Variants in RBFOX1 observed in about 807,000 individuals in gnomAD.
RBFOX1 encodes the protein RNA binding fox-1 homolog 1, also known as RNA binding protein fox-1 homolog 1.
A neutral mutation model predicts 57.7 loss-of-function variants in RBFOX1; 8 were observed. The ratio of observed to expected loss-of-function variants is 0.14; its 90% CI spans 0.08 to 0.25. The LOEUF is 0.25. Ranked by LOEUF, RBFOX1 falls within the 10% of genes least tolerant of loss-of-function variation. RBFOX1 has a pLI of 1.00. For missense variants in RBFOX1, 611 were observed against 548.5 expected (o/e 1.11, Z -1.14); for synonymous variants, 326 against 222.4 (o/e 1.47, Z -4.15).
In RBFOX1 at chr16:7,144,040, T is replaced by G. The variant is rs1224396511; in HGVS notation, c.27+91942T>G. 2.0e-5 allele frequency among the ~76,000 whole-genome samples: 3 copies of G among 152,196 alleles called. No homozygotes were observed. The East Asian group carries it at 5.8e-4, about 29-fold the overall frequency. On this transcript the variant is annotated intron_variant, in intron 4 of 15. Coordinates refer to ENST00000550418, the MANE Select transcript of RBFOX1 (RefSeq NM_018723.4). The stretch of plus-strand genomic sequence containing the variant: ...GTTCCTGTGTAGTTTTCAAGGTCCG[T>G]AAAGGCTGAGTTTCGGGTTGATGTG...
At chr16:7,121,131 T>C (rs2067084975) in intron 4 of RBFOX1, among the ~76,000 whole-genome samples, 1 of 151,960 alleles carries the variant, frequency 6.6e-6, no homozygotes, top group South Asian at 2.1e-4. Context: ...GTAGAGGATG[T>C]CAACAAACAA....
chr16:7,482,374 G>A lies in RBFOX1; in HGVS notation c.28-35773G>A, dbSNP rs778892353. Among the ~76,000 whole-genome samples, 21 of 152,106 alleles carry A rather than the reference G, an allele frequency of 1.4e-4. 1 individual carries two copies. Among genetic ancestry groups the A allele is most frequent in the Admixed American group, 5.9e-4 (9 of 15,278 alleles). On this transcript the variant is annotated intron_variant, in intron 4 of 15. Transcript: ENST00000550418. ...AGGCTCAAAGAGGCTTGTTCAGTCC[G>A]CACAGCTGACAGTGATTGCTGCGTC...
At chr16:5,662,010 T>A (rs551621821) in intron 3 of RBFOX1, among the ~76,000 whole-genome samples, 2 of 152,142 alleles carry the variant, frequency 1.3e-5, no homozygotes, top group South Asian at 4.2e-4. Flanking sequence ...GTGGTCTCCA[T>A]CTCCTGACGT....
At chr16:6,869,551 G>T (rs1430147230) in intron 3 of RBFOX1, among the ~76,000 whole-genome samples, 3 of 151,790 alleles carry the variant, frequency 2.0e-5, no homozygotes, top group African/African-American at 4.8e-5. Context: ...GTTCATAAAA[G>T]GAGATTAACA....
At chr16:7,232,149 G>C (rs151129037) in intron 4 of RBFOX1, among the ~76,000 whole-genome samples, 1 of 151,978 alleles carries the variant, frequency 6.6e-6, no homozygotes, top group Non-Finnish European at 1.5e-5. Context: ...TCAGCCTCCT[G>C]AGTAGCTGAG....
chr16:7,451,710 G>T (rs1476329816), intron 4 of RBFOX1, among the ~76,000 whole-genome samples: 1 of 131,376 alleles, frequency 7.6e-6, no homozygotes, highest in Non-Finnish European at 1.5e-5. Flanking sequence ...TTGTGAAGTA[G>T]AGGCTTCCAG....
chr16:6,609,776 G>A (rs1412445135), intron 2 of RBFOX1, among the ~76,000 whole-genome samples: 2 of 152,156 alleles, frequency 1.3e-5, no homozygotes, highest in South Asian at 2.1e-4. Context: ...TTGGGAGGCC[G>A]AGGCAGGCAA....
chr16:7,049,474 A>T (rs1036615978), intron 3 of RBFOX1, among the ~76,000 whole-genome samples: 10 of 152,146 alleles, frequency 6.6e-5, no homozygotes, highest in African/African-American at 2.2e-4. Context: ...ATAAAAAAAA[A>T]AGAACAATGG....
At position 6,611,258 on chromosome 16, in the gene RBFOX1, T is replaced by C. The variant is rs190259038; in HGVS notation, c.-63-43345T>C. ...GGCTCCCAGGTTCAAGCAATTCTCC[T>C]GCCTCAGCCTCCCAAATAGCTGAGA... is the stretch of plus-strand genomic sequence containing the variant. On this transcript the variant is annotated intron_variant, in intron 2 of 15. Coordinates refer to ENST00000550418, the MANE Select transcript of RBFOX1 (RefSeq NM_018723.4). 3.7e-3 allele frequency among the ~76,000 whole-genome samples: 561 copies of C among 152,288 alleles called. 1 individual carries two copies. Among genetic ancestry groups the C allele is most frequent in the Admixed American group, 6.4e-3 (98 of 15,310 alleles).
At chr16:5,598,812 G>A (rs2047271285) in intron 2 of RBFOX1, 1 of 975,410 alleles carries the variant, frequency 1.0e-6, no homozygotes. Flanking sequence ...GACATTCTGG[G>A]TTGTGCTAAA....
At chr16:5,281,235 T>C (rs1478155184) in intron 1 of RBFOX1, among the ~76,000 whole-genome samples, 4 of 152,224 alleles carry the variant, frequency 2.6e-5, no homozygotes, top group Non-Finnish European at 5.9e-5. Context: ...TTGTACAGTT[T>C]CCAAATTTCT....
chr16:7,312,335 G>A (rs960422132), intron 4 of RBFOX1, among the ~76,000 whole-genome samples: 3 of 152,202 alleles, frequency 2.0e-5, no homozygotes, highest in Non-Finnish European at 4.4e-5. Context: ...AGCCGAGATC[G>A]CGGCGTTGCA....
At chr16:7,221,797 A>T (rs1387859576) in intron 4 of RBFOX1, among the ~76,000 whole-genome samples, 4 of 152,244 alleles carry the variant, frequency 2.6e-5, no homozygotes, top group Admixed American at 2.6e-4. Context: ...ATCTTTTACA[A>T]GCGAGATCTA....
intron 2 of RBFOX1, among the ~76,000 whole-genome samples, chr16:6,613,454 C>T (rs764058809): frequency 6.6e-6 from 1 of 152,062 alleles, no homozygotes; most frequent in Non-Finnish European, 1.5e-5. Flanking sequence ...CTTAGGCCCC[C>T]TTAAAGTCTT....
intron 2 of RBFOX1, among the ~76,000 whole-genome samples, chr16:6,406,381 T>C (rs1277901927): frequency 1.3e-5 from 2 of 152,134 alleles, no homozygotes; most frequent in Admixed American, 1.3e-4. Flanking sequence ...TGGTATGCAA[T>C]GTCACACTCT....
intron 3 of RBFOX1, among the ~76,000 whole-genome samples, chr16:5,845,771 T>C (rs568440046): frequency 2.6e-5 from 4 of 152,304 alleles, no homozygotes; most frequent in African/African-American, 7.2e-5. Flanking sequence ...TCTTATTGGA[T>C]GGCACAGATA....
intron 4 of RBFOX1, among the ~76,000 whole-genome samples, chr16:7,081,613 C>T (rs17142156): frequency 0.017 from 2,586 of 152,242 alleles, 74 homozygotes; most frequent in African/African-American, 0.059. Context: ...TGACTCAGTA[C>T]AAATTGATCA....
chr16:6,147,062 C>T (rs907403012), intron 1 of RBFOX1, among the ~76,000 whole-genome samples: 14 of 152,172 alleles, frequency 9.2e-5, no homozygotes, highest in African/African-American at 3.4e-4. Flanking sequence ...GTTAGAGATA[C>T]AGAGACTCAG....
intron 3 of RBFOX1, among the ~76,000 whole-genome samples, chr16:5,677,884 G>C (rs1351147322): frequency 1.3e-5 from 2 of 152,170 alleles, no homozygotes; most frequent in African/African-American, 4.8e-5. Context: ...GAGAGATGAA[G>C]TGAGGGAGGC....
Sources: gnomAD v4.1 joint callset for allele counts (sites outside exome capture counted in the v4.1 genomes callset) on GRCh38, gnomAD v4.1.1 for gene constraint, MANE v1.5 for transcripts, NCBI Gene and HGNC (gene_info 2026-07-23, HGNC 2026-07-21) for gene names.